The following CENPP variants were observed in gnomAD, a reference collection of about 807,000 sequenced individuals.
The protein encoded by CENPP is centromere protein P.
CENPP carries 24 observed loss-of-function variants against 35.6 expected under a neutral mutation model. The observed-to-expected ratio is 0.67, with a 90% confidence interval of 0.49 to 0.95. The LOEUF (loss-of-function observed/expected upper bound fraction) is 0.95, where lower values mean the gene tolerates loss of function less well. CENPP is among the 40% of genes least tolerant of loss of function. The probability of loss-of-function intolerance (pLI) is 0.00; values close to 1 mark genes in which losing one functional copy is unlikely to be tolerated. For missense variants in CENPP, 332 were observed against 345.3 expected, an observed-to-expected ratio of 0.96 and a Z score of 0.31; for synonymous variants, 120 against 125.5, an observed-to-expected ratio of 0.96 and a Z score of 0.29.
chr9:92,346,491 G>A (rs1564270877), intron 4 of CENPP, among the ~76,000 whole-genome samples: 1 of 152,186 alleles, frequency 6.6e-6, no homozygotes, highest in East Asian at 1.9e-4. Context: ...GGAGAATGGT[G>A]TAAGATGAGG....
chr9:92,579,000 G>T (rs1421047092), intron 5 of CENPP, among the ~76,000 whole-genome samples: 1 of 151,876 alleles, frequency 6.6e-6, no homozygotes, highest in Non-Finnish European at 1.5e-5. Flanking sequence ...AAGGGATCCA[G>T]TTTCAGCTTT....
chr9:92,533,307 A>AAAC (rs1563991232), intron 5 of CENPP, among the ~76,000 whole-genome samples: 1 of 47,742 alleles, frequency 2.1e-5, no homozygotes, highest in Non-Finnish European at 3.7e-5. Context: ...CTCAAACAAA[A>AAAC]AAAAAAAAAA....
chr9:92,455,458 T>C (rs1421888786), intron 5 of CENPP, among the ~76,000 whole-genome samples: 1 of 152,026 alleles, frequency 6.6e-6, no homozygotes, highest in Non-Finnish European at 1.5e-5. Context: ...CCATCTAGTG[T>C]GTAGAGACCA....
At chr9:92,410,062 A>G (rs1000462581) in intron 5 of CENPP, among the ~76,000 whole-genome samples, 14 of 151,870 alleles carry the variant, frequency 9.2e-5, no homozygotes, top group African/African-American at 3.1e-4. Flanking sequence ...TCAGCCTCCC[A>G]AGTAGCTGGG....
chr9:92,619,802 A>T lies in CENPP; in HGVS notation c.*6653A>T, dbSNP rs180737387. 5 of 545,442 alleles carry T rather than the reference A, an allele frequency of 9.2e-6. No individual in the cohort carries two copies. The highest frequency in any genetic ancestry group is 3.0e-5 in the Admixed American group (1 of 32,854). 33.8% of individuals were successfully genotyped at this position (545,442 alleles called of 1,614,324 possible). The stretch of plus-strand genomic sequence containing the variant: ...GGCCAGCACCGCCCCCTGACCTCTC[A>T]CGGCAAGCAGTGTGGGACCCCGACT... On this transcript the variant is annotated 3_prime_UTR_variant, in exon 8 of 8. Transcript: ENST00000375587.
chr9:92,552,044 T>G lies in CENPP; in HGVS notation c.565-59270T>G, dbSNP rs62572543. On this transcript the variant is annotated intron_variant, in intron 5 of 7. Transcript: ENST00000375587. ...GATAGATCTATCATATATGTGATAT[T>G]ATAGGTCTATCATATATGTGATATG... Among the ~76,000 whole-genome samples the G allele has an allele frequency of 3.6e-3, 237 of 65,502 alleles. 30 individuals carry two copies. The highest frequency in any genetic ancestry group is 0.023 in the African/African-American group (136 of 5,840). The allele number at this position is 65,502 out of a possible 152,430, so 43.0% of individuals were successfully genotyped here.
intron 5 of CENPP, among the ~76,000 whole-genome samples, chr9:92,410,587 G>T (rs757238855): frequency 9.9e-5 from 15 of 152,116 alleles, no homozygotes; most frequent in Non-Finnish European, 4.4e-5. Context: ...TATGATTTAA[G>T]CACCCTAATG....
chr9:92,504,449 C>T lies in CENPP; in HGVS notation c.565-106865C>T, dbSNP rs528953289. On this transcript the variant is annotated intron_variant, in intron 5 of 7. Coordinates refer to ENST00000375587, the MANE Select transcript of CENPP (RefSeq NM_001012267.3). ...GGATGATCATGTGGTCTAGGAGAAA[C>T]GGAGCTTAGTAAGGAAACCTGGGTT... Among the ~76,000 whole-genome samples the T allele has an allele frequency of 3.9e-5, 6 of 152,250 alleles. No individual in the cohort carries two copies. In the East Asian group the frequency reaches 5.8e-4, roughly 15 times the overall value.
chr9:92,432,391 C>A (rs987045745), intron 5 of CENPP, among the ~76,000 whole-genome samples: 2 of 151,984 alleles, frequency 1.3e-5, no homozygotes, highest in African/African-American at 4.8e-5. Flanking sequence ...AAGGGACTAG[C>A]TCTTTGTTTG....
At chr9:92,451,890 C>T (rs1405723794) in intron 5 of CENPP, among the ~76,000 whole-genome samples, 29 of 151,560 alleles carry the variant, frequency 1.9e-4, no homozygotes, top group Non-Finnish European at 3.5e-4. Flanking sequence ...CATGATTTGG[C>T]TCTCTGTTTG....
intron 5 of CENPP, among the ~76,000 whole-genome samples, chr9:92,552,661 TC>T (rs1277937945): frequency 7.9e-5 from 12 of 152,234 alleles, no homozygotes; most frequent in Admixed American, 7.9e-4. Context: ...AATTGTCTAT[TC>T]GTGTCATTAG....
chr9:92,415,097 C>T, intron 5 of CENPP: 1 of 1,279,716 alleles, frequency 7.8e-7, no homozygotes. Flanking sequence ...CTTAGATTTA[C>T]TATATTAAGT....
chr9:92,535,993 AAC>A (rs756567606), intron 5 of CENPP: 1 of 513,262 alleles, frequency 1.9e-6, no homozygotes, highest in Non-Finnish European at 3.9e-6. Flanking sequence ...CTGAAAATGA[AAC>A]AAAATCAGAG....
At chr9:92,515,295 T>C in intron 5 of CENPP, 4 of 1,347,322 alleles carry the variant, frequency 3.0e-6, no homozygotes, top group Non-Finnish European at 3.8e-6. Flanking sequence ...GTAAATATTA[T>C]TCCCTCCAAG....
intron 5 of CENPP, chr9:92,389,560 A>G (rs1416757864): frequency 4.6e-6 from 1 of 216,406 alleles, no homozygotes; most frequent in Non-Finnish European, 9.0e-6. Context: ...AAGTGTCATG[A>G]GAGGGCCAAC....
At chr9:92,385,441 T>C in intron 5 of CENPP, 1 of 558,856 alleles carries the variant, frequency 1.8e-6, no homozygotes. Context: ...AACGTAGACA[T>C]TCAGTCTTAC....
intron 5 of CENPP, among the ~76,000 whole-genome samples, chr9:92,461,924 G>A (rs1226128522): frequency 2.0e-5 from 3 of 151,930 alleles, no homozygotes; most frequent in African/African-American, 4.8e-5. Context: ...TTATAAACAC[G>A]GATTTTTACC....
chr9:92,375,867 T>C (rs1842114252), intron 4 of CENPP, among the ~76,000 whole-genome samples: 1 of 151,998 alleles, frequency 6.6e-6, no homozygotes, highest in Admixed American at 6.6e-5. Context: ...TTTTTTTTTT[T>C]TCCTATGACT....
At chr9:92,361,480 T>G (rs1399496945) in intron 4 of CENPP, among the ~76,000 whole-genome samples, 1 of 136,402 alleles carries the variant, frequency 7.3e-6, no homozygotes, top group African/African-American at 2.7e-5. Flanking sequence ...TTTATTTTAT[T>G]TTATTTTATT....
Sources: allele counts gnomAD v4.1 joint callset (sites outside exome capture counted in the v4.1 genomes callset), GRCh38; gene constraint gnomAD v4.1.1; transcripts MANE v1.5; gene names NCBI Gene and HGNC (gene_info 2026-07-23, HGNC 2026-07-21).